Variants in STRBP observed in about 807,000 individuals in gnomAD.
STRBP encodes spermatid perinuclear RNA binding protein.
A neutral mutation model predicts 80.1 loss-of-function variants in STRBP; 13 were observed. The observed-to-expected ratio is 0.16, with a 90% CI of 0.11 to 0.26. The LOEUF (loss-of-function observed/expected upper bound fraction) is 0.26. Among genes scored for constraint, STRBP ranks in the 10% least tolerant of loss-of-function variants. The pLI is 1.00. For synonymous variants in STRBP, 284 were observed against 291.2 expected, an observed-to-expected ratio of 0.98 and a Z score of 0.25; for missense variants, 485 against 815.2, an observed-to-expected ratio of 0.59 and a Z score of 4.93.
At chr9:123,148,841 T>C (rs1361563266) in intron 11 of STRBP, among the ~76,000 whole-genome samples, 2 of 152,192 alleles carry the variant, frequency 1.3e-5, no homozygotes, top group Admixed American at 6.5e-5. Context: ...TTTTTCCTTG[T>C]CTTGTATCTT....
intron 2 of STRBP, among the ~76,000 whole-genome samples, chr9:123,235,791 T>C (rs935268080): frequency 6.6e-6 from 1 of 152,128 alleles, no homozygotes; most frequent in African/African-American, 2.4e-5. Context: ...TCAGCTATAC[T>C]AAAGTCACTT....
At chr9:123,188,589 C>T (rs2038796001) in intron 2 of STRBP, among the ~76,000 whole-genome samples, 1 of 152,142 alleles carries the variant, frequency 6.6e-6, no homozygotes, top group African/African-American at 2.4e-5. Context: ...TTGCAGTGAG[C>T]TGAGATCATG....
chr9:123,268,530 G>A lies in STRBP; in HGVS notation c.-396C>T. The A allele has an allele frequency of 6.0e-6, 1 of 167,196 alleles. No individual in the cohort carries two copies. The highest frequency in any genetic ancestry group is 1.3e-5 in the Non-Finnish European group (1 of 78,990). 10.4% of individuals were successfully genotyped at this position (167,196 alleles called of 1,614,324 possible). ...CGCGTCTCCGGCTCCTCTGCCCAGC[G>A]GCGGCGGCTGCGGCGGCTGCTGCCC... On this transcript the variant is annotated 5_prime_UTR_variant, in exon 1 of 19. Transcript: ENST00000348403.
chr9:123,248,872 A>G (rs1335272320), intron 1 of STRBP, among the ~76,000 whole-genome samples: 1 of 152,208 alleles, frequency 6.6e-6, no homozygotes, highest in East Asian at 1.9e-4. Context: ...CAGCTAGACT[A>G]TAAACTACTA....
At chr9:123,174,774 C>T (rs541278282) in intron 4 of STRBP, among the ~76,000 whole-genome samples, 72 of 152,278 alleles carry the variant, frequency 4.7e-4, no homozygotes, top group Non-Finnish European at 9.4e-4. Flanking sequence ...AGAGCAAACA[C>T]TCAAAGAAAT....
intron 2 of STRBP, among the ~76,000 whole-genome samples, chr9:123,224,531 C>T (rs1220886015): frequency 6.6e-6 from 1 of 152,196 alleles, no homozygotes; most frequent in East Asian, 1.9e-4. Flanking sequence ...TTCATCTTTT[C>T]ACGCAACTTT....
intron 11 of STRBP, among the ~76,000 whole-genome samples, chr9:123,154,412 A>C (rs2037191021): frequency 6.6e-6 from 1 of 152,202 alleles, no homozygotes; most frequent in African/African-American, 2.4e-5. Context: ...CAAGTGGGAA[A>C]GTGGGAAAGA....
chr9:123,128,142 C>T, intron 18 of STRBP, 72 bp downstream of exon 18: 1 of 1,565,772 alleles, frequency 6.4e-7, no homozygotes, highest in Middle Eastern at 1.7e-4. Context: ...TACAAAAACC[C>T]TAGATAGAAA....
chr9:123,122,837 CA>C lies in STRBP; in HGVS notation c.*2759del. The C allele has an allele frequency of 1.0e-6, 1 of 985,906 alleles. No individual in the cohort carries two copies. The highest frequency in any genetic ancestry group is 1.2e-6 in the Non-Finnish European group (1 of 830,362). The allele number at this position is 985,906 out of a possible 1,614,324, so 61.1% of individuals were successfully genotyped here. A position where few individuals can be genotyped will look rare whatever the true frequency, so the allele number is the denominator to read the frequency against. ...AACTGTCAGAACATAGCACAGCTCA[CA>C]CGCTAATTTTAAGCTCTACACTGAC... On this transcript the variant is annotated 3_prime_UTR_variant, in exon 19 of 19. Transcript: ENST00000348403.
intron 5 of STRBP, among the ~76,000 whole-genome samples, chr9:123,170,453 A>G (rs1001104144): frequency 6.6e-6 from 1 of 152,234 alleles, no homozygotes; most frequent in African/African-American, 2.4e-5. Context: ...TTTGTAGAGC[A>G]GCCTGAACAG....
intron 3 of STRBP, chr9:123,113,125 C>T (rs748912422): frequency 3.6e-4 from 60 of 167,150 alleles, no homozygotes; most frequent in Non-Finnish European, 2.9e-4. Flanking sequence ...CCAAAAGTAC[C>T]TTGACCAGGA....
At position 123,150,441 on chromosome 9, in the gene STRBP, C is replaced by T; in HGVS notation, c.1046-2571G>A. Among the ~76,000 whole-genome samples the T allele has an allele frequency of 1.3e-5, 2 of 152,102 alleles. 1 individual carries two copies. The highest frequency in any genetic ancestry group is 3.8e-4 in the East Asian group (2 of 5,200). On this transcript the variant is annotated intron_variant, in intron 11 of 18. Transcript: ENST00000348403. ...GGTGAGCCTGGCACGGTGCCACATGCCTGTAGTCCCAGCTACTCAGAAGGC... is the reference window on the plus strand; with the variant it reads ...GGTGAGCCTGGCACGGTGCCACATGTCTGTAGTCCCAGCTACTCAGAAGGC...
chr9:123,151,061 G>C (rs568434804), intron 11 of STRBP, among the ~76,000 whole-genome samples: 1 of 152,038 alleles, frequency 6.6e-6, no homozygotes, highest in Non-Finnish European at 1.5e-5. Flanking sequence ...ATAATAACCA[G>C]GCACATGAGA....
intron 1 of STRBP, among the ~76,000 whole-genome samples, chr9:123,251,045 T>C (rs145704259): frequency 1.3e-5 from 2 of 152,310 alleles, no homozygotes; most frequent in Non-Finnish European, 2.9e-5. Flanking sequence ...GCAGACCACT[T>C]GAACTCTAGG....
chr9:123,203,215 G>A (rs187979063), intron 2 of STRBP, among the ~76,000 whole-genome samples: 6 of 152,038 alleles, frequency 3.9e-5, no homozygotes, highest in East Asian at 3.9e-4. Context: ...GCATGGTGGC[G>A]TGTGCCTTCA....
At chr9:123,129,158 AC>A (rs1489958714) in intron 17 of STRBP, among the ~76,000 whole-genome samples, 3 of 151,964 alleles carry the variant, frequency 2.0e-5, no homozygotes, top group Non-Finnish European at 4.4e-5. Context: ...GGAGTTAGAG[AC>A]CAGCCTGGGC....
chr9:123,147,942 A>G, intron 11 of STRBP, 72 bp from the exon 12 acceptor site: 1 of 1,257,786 alleles, frequency 8.0e-7, no homozygotes, highest in South Asian at 1.5e-5. Flanking sequence ...TGTATCTAAC[A>G]TGTTCAGGTA....
Position 123,123,836 on chromosome 9 carries a change from G to C in STRBP, c.*1761C>G, listed in dbSNP as rs2035805336. The C allele has an allele frequency of 1.0e-6, 1 of 985,258 alleles. No individual in the cohort carries two copies. The highest frequency in any genetic ancestry group is 1.7e-5 in the African/African-American group (1 of 57,224). The allele number at this position is 985,258 out of a possible 1,614,324, so 61.0% of individuals were successfully genotyped here. On this transcript the variant is annotated 3_prime_UTR_variant, in exon 19 of 19. Transcript: ENST00000348403. ...CTATCAGCCATGCTTTTTCTTCTCA[G>C]TGATGGCTCTGTTTCATCCATAGGT...
chr9:123,130,483 G>A (rs575438560), intron 17 of STRBP, among the ~76,000 whole-genome samples: 4 of 152,148 alleles, frequency 2.6e-5, no homozygotes, highest in African/African-American at 9.6e-5. Flanking sequence ...TACTGCCACT[G>A]GACCATAGCC....
Sources: gnomAD v4.1 joint callset for allele counts (sites outside exome capture counted in the v4.1 genomes callset) on GRCh38, gnomAD v4.1.1 for gene constraint, MANE v1.5 for transcripts, NCBI Gene and HGNC (gene_info 2026-07-23, HGNC 2026-07-21) for gene names.